Variants in ASAH2 observed in about 807,000 individuals in gnomAD.
ASAH2 encodes the protein N-acylsphingosine amidohydrolase 2, also known as neutral ceramidase.
ASAH2 carries 58 observed loss-of-function variants against 82.9 expected under a neutral mutation model. The observed-to-expected ratio is 0.70, with a 90% CI of 0.57 to 0.87. The LOEUF (loss-of-function observed/expected upper bound fraction) is 0.87, where lower values mean the gene tolerates loss of function less well. ASAH2 is among the 40% of genes least tolerant of loss of function. ASAH2 has a pLI of 0.00. For synonymous variants in ASAH2, 276 were observed against 289.7 expected, an observed-to-expected ratio of 0.95 and a Z score of 0.48; for missense variants, 779 against 834.0, an observed-to-expected ratio of 0.93 and a Z score of 0.81.
At chr10:50,233,388 T>C in intron 6 of ASAH2, 127 bp from the exon 7 acceptor site, 1 of 716,918 alleles carries the variant, frequency 1.4e-6, no homozygotes, top group Non-Finnish European at 2.6e-6. Flanking sequence ...TGACAAGCAG[T>C]AGTTCTGTGA....
chr10:50,201,552 T>C (rs1166978343), intron 16 of ASAH2, among the ~76,000 whole-genome samples: 2 of 152,066 alleles, frequency 1.3e-5, no homozygotes, highest in Non-Finnish European at 2.9e-5. Flanking sequence ...GCCACACCCC[T>C]GTTGCACATA....
chr10:50,195,596 A>C (rs1352190295), intron 18 of ASAH2, among the ~76,000 whole-genome samples: 4 of 151,646 alleles, frequency 2.6e-5, no homozygotes, highest in Non-Finnish European at 5.9e-5. Context: ...GTGAACTCCC[A>C]TGTTTATTGC....
At chr10:50,224,797 CTGTT>C (rs1442929244) in intron 7 of ASAH2, among the ~76,000 whole-genome samples, 1 of 152,160 alleles carries the variant, frequency 6.6e-6, no homozygotes, top group Non-Finnish European at 1.5e-5. Context: ...CCACTGCAAA[CTGTT>C]TGGAGAAGAA....
At chr10:50,218,993 A>T (rs938310833) in intron 7 of ASAH2, among the ~76,000 whole-genome samples, 9 of 152,318 alleles carry the variant, frequency 5.9e-5, no homozygotes, top group Admixed American at 5.9e-4. Flanking sequence ...CCAATCCGAC[A>T]TTTACTAAGG....
chr10:50,234,593 T>C (rs1846101662), intron 5 of ASAH2, 41 bp from the exon 6 acceptor site: 1 of 1,611,958 alleles, frequency 6.2e-7, no homozygotes, highest in African/African-American at 1.3e-5. Flanking sequence ...AGCTTAGAAA[T>C]CCTGGTGGGG....
intron 6 of ASAH2, among the ~76,000 whole-genome samples, chr10:50,233,706 A>G (rs970180270): frequency 2.0e-5 from 3 of 152,092 alleles, no homozygotes; most frequent in Non-Finnish European, 4.4e-5. Context: ...TCTAAAAATC[A>G]TCTCCTTTGA....
intron 7 of ASAH2, among the ~76,000 whole-genome samples, chr10:50,224,689 T>G (rs999073144): frequency 8.5e-5 from 13 of 152,322 alleles, no homozygotes; most frequent in African/African-American, 2.9e-4. Flanking sequence ...TTCAATGTGT[T>G]AAGCCACTGG....
At chr10:50,243,127 A>G in intron 4 of ASAH2, 75 bp downstream of exon 4, 1 of 1,530,546 alleles carries the variant, frequency 6.5e-7, no homozygotes, top group East Asian at 2.3e-5. Flanking sequence ...AAGAGGAATT[A>G]TTTCCTGTCA....
intron 7 of ASAH2, among the ~76,000 whole-genome samples, chr10:50,232,945 C>A (rs1197941526): frequency 6.6e-6 from 1 of 152,068 alleles, no homozygotes; most frequent in African/African-American, 2.4e-5. Context: ...TCACCAAGAT[C>A]TCTCATTTAT....
chr10:50,245,362 T>C lies in ASAH2; in HGVS notation c.220A>G (p.Thr74Ala), dbSNP rs1323532648. 6.2e-7 allele frequency: 1 copy of C among 1,613,542 alleles called. No homozygotes were observed. The highest frequency in any genetic ancestry group is 8.5e-7 in the Non-Finnish European group (1 of 1,179,780). ...AQRSTATQHS[T>A]ATQSSTATQT... ...GTGGCTGTGGAGCTCTGGGTGGCTG[T>C]GGAATGCTGGGTGGCTGTGGAGCGT... is the stretch of plus-strand genomic sequence containing the variant. Residue 74 changes from threonine (T) to alanine (A), a missense_variant, in exon 3 of 21, where the codon ACA (threonine) becomes GCA (alanine). Transcript: ENST00000682911.
chr10:50,195,682 T>C (rs1263405206), intron 18 of ASAH2, among the ~76,000 whole-genome samples: 21 of 151,964 alleles, frequency 1.4e-4, no homozygotes, highest in Admixed American at 2.6e-4. Context: ...GAAAATGTAG[T>C]ACATATACAC....
intron 8 of ASAH2, among the ~76,000 whole-genome samples, chr10:50,217,596 A>T (rs937301004): frequency 5.0e-4 from 76 of 152,286 alleles, no homozygotes; most frequent in South Asian, 1.0e-3. Flanking sequence ...TATTGGTAAT[A>T]GCATGAGGCC....
At chr10:50,244,209 C>T (rs947323017) in intron 3 of ASAH2, among the ~76,000 whole-genome samples, 2 of 152,142 alleles carry the variant, frequency 1.3e-5, no homozygotes, top group Admixed American at 1.3e-4. Context: ...GATGTTGTGG[C>T]AGCAGGCTGT....
chr10:50,208,768 A>G (rs919311596), intron 12 of ASAH2, among the ~76,000 whole-genome samples: 5,417 of 152,226 alleles, frequency 0.036, 341 homozygotes, highest in African/African-American at 0.12. Context: ...TGATATTCCC[A>G]TCGGAATCCC....
At chr10:50,226,226 G>T (rs1248110987) in intron 7 of ASAH2, among the ~76,000 whole-genome samples, 1 of 152,030 alleles carries the variant, frequency 6.6e-6, no homozygotes, top group Non-Finnish European at 1.5e-5. Flanking sequence ...ATTTTTAAAT[G>T]GTGATTTAAA....
chr10:50,194,321 C>T (rs1201610446), intron 18 of ASAH2, among the ~76,000 whole-genome samples: 12 of 151,446 alleles, frequency 7.9e-5, no homozygotes, highest in Admixed American at 4.0e-4. Context: ...CTAAATGATA[C>T]GGCATTTATT....
Position 50,245,282 on chromosome 10 carries a change from A to T in ASAH2, c.300T>A (p.Ser100Arg). The change falls in exon 3 of 21, where the codon AGT becomes AGA. Residue 100 changes from serine to arginine, a missense_variant. Ser to Arg is a moderately radical substitution (Grantham distance 110, BLOSUM62 -1). Around this residue, in one of 3 missense-constraint regions of ASAH2, gnomAD observed 759 missense variants for 755.2 expected, o/e 1.00. Transcript: ENST00000682911. ...CTCGTCCAACACCAATATGGTAGCCACTGAAGTTCTGAAATAGAGGAGACT... is the reference window on the plus strand; with the variant it reads ...CTCGTCCAACACCAATATGGTAGCCTCTGAAGTTCTGAAATAGAGGAGACT... ...TPESPLFQNF[S>R]GYHIGVGRAD... 6.2e-7 allele frequency: 1 copy of T among 1,614,140 alleles called. No individual in the cohort carries two copies.
intron 12 of ASAH2, 91 bp from the exon 13 acceptor site, chr10:50,206,188 A>T (rs1422095414): frequency 2.1e-6 from 2 of 959,376 alleles, no homozygotes; most frequent in African/African-American, 3.2e-5. Flanking sequence ...TAATCTTTTA[A>T]GGAGTTTCAG....
Position 50,243,272 on chromosome 10 carries a change from G to A in ASAH2, c.440C>T (p.Pro147Leu). 1 of 1,614,132 alleles carries A rather than the reference G, an allele frequency of 6.2e-7. No homozygotes were observed. Among genetic ancestry groups the A allele is most frequent in the Non-Finnish European group, 8.5e-7 (1 of 1,179,986 alleles). ...LYSRAFIMAE[P>L]DGSNRTVFVS... ...AAACACTGTTCGATTGGACCCATCA[G>A]GTTCTGCCATGATGAAGGCACGACT... is the stretch of plus-strand genomic sequence containing the variant. Residue 147 changes from proline to leucine, a missense_variant, in exon 4 of 21, where the codon CCT (proline) becomes CTT (leucine). By Grantham distance (98) the Pro-to-Leu change is moderately conservative (BLOSUM62 -3). Coordinates refer to ENST00000682911, the MANE Select transcript of ASAH2 (RefSeq NM_019893.4).
Sources: gnomAD v4.1 joint callset for allele counts (sites outside exome capture counted in the v4.1 genomes callset) on GRCh38, gnomAD v4.1.1 for gene constraint, gnomAD v4.1.1 regional missense constraint, MANE v1.5 for transcripts, NCBI Gene and HGNC (gene_info 2026-07-23, HGNC 2026-07-21) for gene names.